Variants in LY86 observed in about 807,000 individuals in gnomAD.
The protein encoded by LY86 is lymphocyte antigen 86.
Under a neutral mutation model 17.3 loss-of-function variants are expected in LY86, and 20 were observed. The ratio of observed to expected loss-of-function variants is 1.15; its 90% CI spans 0.81 to 1.68. The LOEUF (loss-of-function observed/expected upper bound fraction) is 1.68. Among genes scored for constraint, LY86 ranks in the 40% most tolerant of loss-of-function variants. The probability of loss-of-function intolerance (pLI) is 0.00; values close to 1 mark genes in which losing one functional copy is unlikely to be tolerated. For synonymous variants in LY86, 74 were observed against 70.6 expected (o/e 1.05, Z -0.24); for missense variants, 200 against 191.9 (o/e 1.04, Z -0.25).
intron 3 of LY86, among the ~76,000 whole-genome samples, chr6:6,644,360 C>CA (rs1470385024): frequency 6.6e-6 from 1 of 152,054 alleles, no homozygotes; most frequent in African/African-American, 2.4e-5. Flanking sequence ...TCCATCTCTA[C>CA]AAAAAACTAG....
At chr6:6,616,560 T>A (rs901364428) in intron 1 of LY86, among the ~76,000 whole-genome samples, 1 of 152,220 alleles carries the variant, frequency 6.6e-6, no homozygotes, top group African/African-American at 2.4e-5. Flanking sequence ...TTTGAGGACC[T>A]CCTGGTACGT....
chr6:6,653,881 A>T (rs373014323), intron 4 of LY86, among the ~76,000 whole-genome samples: 2 of 152,136 alleles, frequency 1.3e-5, no homozygotes, highest in African/African-American at 4.8e-5. Context: ...CTCTACTCCA[A>T]GTCATCTTCA....
chr6:6,605,771 G>A (rs562780679), intron 1 of LY86, among the ~76,000 whole-genome samples: 7 of 152,330 alleles, frequency 4.6e-5, no homozygotes, highest in African/African-American at 7.2e-5. Flanking sequence ...TCTTTCTGAT[G>A]CTGGGATGTG....
At chr6:6,623,467 C>G (rs576179950) in intron 1 of LY86, among the ~76,000 whole-genome samples, 1 of 152,348 alleles carries the variant, frequency 6.6e-6, no homozygotes, top group East Asian at 1.9e-4. Flanking sequence ...CACGAAGGAG[C>G]AAGTCCCTTC....
intron 1 of LY86, among the ~76,000 whole-genome samples, chr6:6,616,612 C>T (rs559221057): frequency 2.9e-4 from 44 of 152,200 alleles, no homozygotes; most frequent in Non-Finnish European, 4.9e-4. Flanking sequence ...ACCAGGCTGG[C>T]CTCAGCTGTT....
rs780962571 is a variant in LY86, at chr6:6,654,543, G to A, written c.406-1G>A. 3.9e-5 allele frequency: 63 copies of A among 1,613,370 alleles called. 1 individual carries two copies. In the Admixed American group the frequency reaches 1.0e-3, roughly 27 times the overall value. On this transcript the variant is annotated splice_acceptor_variant, in intron 4 of 4. Transcript: ENST00000230568. LOFTEE classifies it high-confidence loss of function. Reference sequence around the variant, plus strand: ...TAATACTTGACCTGTGCCCCTTGCAGGGAGAATACCAGGTTTTGCTGGAAC... The same window carrying A: ...TAATACTTGACCTGTGCCCCTTGCAAGGAGAATACCAGGTTTTGCTGGAAC...
chr6:6,613,490 G>C (rs1186335629), intron 1 of LY86, among the ~76,000 whole-genome samples: 3 of 152,222 alleles, frequency 2.0e-5, no homozygotes, highest in East Asian at 1.9e-4. Context: ...TGCTGGCCCA[G>C]GTGCTAAGCT....
intron 1 of LY86, among the ~76,000 whole-genome samples, chr6:6,613,331 G>A (rs1581242022): frequency 6.6e-6 from 1 of 152,356 alleles, no homozygotes; most frequent in African/African-American, 2.4e-5. Context: ...GCAGGGTGGC[G>A]CTGCTCGTCG....
intron 3 of LY86, among the ~76,000 whole-genome samples, chr6:6,635,581 C>T (rs1249854241): frequency 6.6e-6 from 1 of 152,164 alleles, no homozygotes; most frequent in African/African-American, 2.4e-5. Flanking sequence ...TAGGGTATCA[C>T]CTATGTTATA....
intron 1 of LY86, among the ~76,000 whole-genome samples, chr6:6,612,506 C>T (rs1193468380): frequency 1.4e-5 from 2 of 138,372 alleles, no homozygotes; most frequent in East Asian, 5.2e-4. Flanking sequence ...AAAACACTTA[C>T]TGCAAAAAGC....
intron 3 of LY86, among the ~76,000 whole-genome samples, chr6:6,632,085 C>A (rs1411765305): frequency 2.0e-5 from 3 of 152,180 alleles, no homozygotes; most frequent in African/African-American, 7.2e-5. Flanking sequence ...CAGGTGGACA[C>A]TTGACCTGAG....
At chr6:6,618,842 A>G (rs574685225) in intron 1 of LY86, among the ~76,000 whole-genome samples, 1 of 152,352 alleles carries the variant, frequency 6.6e-6, no homozygotes, top group South Asian at 2.1e-4. Flanking sequence ...TTTGACAGGT[A>G]GAAAAAAGAA....
At chr6:6,624,215 C>T (rs577798454) in intron 1 of LY86, among the ~76,000 whole-genome samples, 8 of 152,152 alleles carry the variant, frequency 5.3e-5, no homozygotes, top group Non-Finnish European at 7.3e-5. Context: ...TGGAGCCAGT[C>T]GCTCATTTCT....
At chr6:6,620,257 G>A (rs1761643570) in intron 1 of LY86, among the ~76,000 whole-genome samples, 1 of 152,172 alleles carries the variant, frequency 6.6e-6, no homozygotes, top group Non-Finnish European at 1.5e-5. Flanking sequence ...ATCTTACCAT[G>A]GGGGATGATG....
At chr6:6,637,654 G>C (rs1761978996) in intron 3 of LY86, among the ~76,000 whole-genome samples, 1 of 152,124 alleles carries the variant, frequency 6.6e-6, no homozygotes, top group Non-Finnish European at 1.5e-5. Context: ...GCTGGTATTT[G>C]CATTTTAAGA....
intron 1 of LY86, among the ~76,000 whole-genome samples, chr6:6,610,540 CT>C (rs1242867488): frequency 2.1e-5 from 3 of 144,798 alleles, no homozygotes; most frequent in Non-Finnish European, 4.6e-5. Context: ...GAAACGGAAG[CT>C]TAGGGGGGGG....
intron 4 of LY86, 85 bp downstream of exon 4, chr6:6,649,762 C>A: frequency 1.2e-6 from 1 of 835,158 alleles, no homozygotes; most frequent in Non-Finnish European, 2.0e-6. Context: ...GGAGGAGAAA[C>A]CAAGAAAGAA....
At chr6:6,625,122 T>C (rs906072124) in intron 2 of LY86, 110 bp downstream of exon 2, 2 of 550,444 alleles carry the variant, frequency 3.6e-6, no homozygotes, top group South Asian at 4.5e-5. Flanking sequence ...TACTGTTCCC[T>C]CACCACTCTC....
chr6:6,590,928 A>G (rs1264711418), intron 1 of LY86, among the ~76,000 whole-genome samples: 1 of 151,928 alleles, frequency 6.6e-6, no homozygotes, highest in African/African-American at 2.4e-5. Flanking sequence ...ATTGAAGTGC[A>G]CACACACACA....
Sources: allele counts gnomAD v4.1 joint callset (sites outside exome capture counted in the v4.1 genomes callset), GRCh38; gene constraint gnomAD v4.1.1; transcripts MANE v1.5; gene names NCBI Gene and HGNC (gene_info 2026-07-23, HGNC 2026-07-21).